M1AP: variants seen among roughly 807,000 people sequenced by gnomAD.
The protein encoded by M1AP is meiosis 1 arrest protein.
M1AP carries 39 observed loss-of-function variants against 51.2 expected under a neutral mutation model. The observed-to-expected ratio is 0.76, with a 90% CI of 0.59 to 1.00. M1AP has a LOEUF of 1.00. Among genes scored for constraint, M1AP ranks in the 50% least tolerant of loss-of-function variants. M1AP has a pLI of 0.00. For synonymous variants in M1AP, 251 were observed against 249.2 expected (o/e 1.01, Z -0.07); for missense variants, 545 against 641.2 (o/e 0.85, Z 1.62).
chr2:74,591,546 T>C (rs1680036836), intron 4 of M1AP, among the ~76,000 whole-genome samples: 1 of 152,124 alleles, frequency 6.6e-6, no homozygotes, highest in African/African-American at 2.4e-5. Flanking sequence ...GAATGGGTTA[T>C]TTAGGAGAAG....
intron 2 of M1AP, among the ~76,000 whole-genome samples, chr2:74,636,501 T>C (rs897348256): frequency 6.6e-6 from 1 of 152,160 alleles, no homozygotes; most frequent in African/African-American, 2.4e-5. Flanking sequence ...TGTTTTCTGC[T>C]TGTTCCCTCT....
chr2:74,567,728 T>A (rs1488822075), intron 7 of M1AP, among the ~76,000 whole-genome samples: 2 of 152,232 alleles, frequency 1.3e-5, no homozygotes, highest in Admixed American at 1.3e-4. Flanking sequence ...TAGATATAGA[T>A]CTATAAAAGC....
At chr2:74,561,262 A>AAGGAGGAGGAGGAGAAGGAGGAGGAGG (rs1677988954) in intron 8 of M1AP, among the ~76,000 whole-genome samples, 1 of 51,360 alleles carries the variant, frequency 1.9e-5, no homozygotes, top group African/African-American at 8.3e-5. Flanking sequence ...GGAGGAGGAG[A>AAGGAGGAGGAGGAGAAGGAGGAGGAGG]AGAAGAAAAA....
chr2:74,561,785 G>A (rs1406129916), intron 8 of M1AP: 1 of 571,034 alleles, frequency 1.8e-6, no homozygotes, highest in East Asian at 1.4e-4. Flanking sequence ...AGCTGGACCT[G>A]CTGGTGTTGT....
Position 74,646,804 on chromosome 2 carries a change from T to C in M1AP, c.-53+1461A>G, listed in dbSNP as rs188956006. Among the ~76,000 whole-genome samples the C allele has an allele frequency of 1.3e-3, 195 of 152,368 alleles. 2 individuals carry two copies. The highest frequency in any genetic ancestry group is 1.9e-3 in the Non-Finnish European group (126 of 68,038). On this transcript the variant is annotated intron_variant, in intron 1 of 10. Transcript: ENST00000421985. ...GTGTTTTGACAATTTTTCAAGGTTATAGAACAACTGTAATTTTTCCCATTG... is the reference window on the plus strand; with the variant it reads ...GTGTTTTGACAATTTTTCAAGGTTACAGAACAACTGTAATTTTTCCCATTG...
intron 4 of M1AP, among the ~76,000 whole-genome samples, chr2:74,594,889 A>T (rs1680244313): frequency 1.3e-5 from 2 of 152,156 alleles, no homozygotes. Context: ...AAAATAAAAA[A>T]GATAATCAAT....
intron 7 of M1AP, among the ~76,000 whole-genome samples, chr2:74,569,424 A>C (rs1475086034): frequency 3.9e-5 from 5 of 128,788 alleles, no homozygotes; most frequent in Admixed American, 9.4e-5. Context: ...TCTATCACCC[A>C]GGCTGGAGTG....
rs377538420 is a variant in M1AP at position 74,640,195 on chromosome 2, C to T, written c.81G>A (p.Val27=). 8.1e-6 allele frequency: 13 copies of T among 1,614,012 alleles called. No individual in the cohort carries two copies. Among genetic ancestry groups the T allele is most frequent in the Non-Finnish European group, 1.1e-5 (13 of 1,180,024 alleles). Residue 27 remains valine (V), a synonymous_variant, in exon 2 of 11, where the codon GTG becomes GTA. Transcript: ENST00000421985. The stretch of plus-strand genomic sequence containing the variant: ...CAGCCCAGGACGGTAGAGCAATGTG[C>T]ACAATGAGAAGCCGTGGAGGTTGCT... The part of the protein sequence containing the change: ...IDQQPPRLLI[V]HIALPSWADI...
chr2:74,636,392 T>TA (rs1682993286), intron 2 of M1AP, among the ~76,000 whole-genome samples: 1 of 152,122 alleles, frequency 6.6e-6, no homozygotes, highest in Admixed American at 6.5e-5. Context: ...TTGGGTCATT[T>TA]AAAAAATCAA....
intron 7 of M1AP, among the ~76,000 whole-genome samples, chr2:74,568,790 G>A (rs138902594): frequency 1.3e-5 from 2 of 152,294 alleles, no homozygotes; most frequent in East Asian, 3.9e-4. Context: ...GGCTTTCAGT[G>A]GAAAACTCTG....
rs1677683102 is a variant in M1AP at position 74,558,782 on chromosome 2, G to A, written c.1527C>T (p.Ala509=). ...AGAAGGCATCTGAGGAAGATTTGCTGGCTGCTGGCATCTTGGAGGCTCTGC... is the reference window on the plus strand; with the variant it reads ...AGAAGGCATCTGAGGAAGATTTGCTAGCTGCTGGCATCTTGGAGGCTCTGC... ...VPGRASKMPA[A]SKSSSDAFFL... Residue 509 remains alanine (A), a synonymous_variant, in exon 11 of 11, where the codon GCC becomes GCT. Coordinates refer to ENST00000421985, the MANE Select transcript of M1AP (RefSeq NM_001321739.2). The A allele has an allele frequency of 4.3e-6, 7 of 1,612,190 alleles. No homozygotes were observed. The highest frequency in any genetic ancestry group is 4.0e-5 in the African/African-American group (3 of 74,998).
intron 1 of M1AP, chr2:74,647,355 T>C (rs2104873265): frequency 8.1e-6 from 8 of 985,370 alleles, no homozygotes; most frequent in Non-Finnish European, 9.6e-6. Flanking sequence ...AGGGCCCCTT[T>C]ACAAGCCCTC....
At chr2:74,631,914 T>C (rs769413614) in intron 2 of M1AP, among the ~76,000 whole-genome samples, 76 of 152,234 alleles carry the variant, frequency 5.0e-4, no homozygotes, top group Non-Finnish European at 9.4e-4. Flanking sequence ...TCTTTCTCCA[T>C]TTATATTTTA....
At chr2:74,647,745 T>C (rs1444430648) in intron 1 of M1AP, among the ~76,000 whole-genome samples, 1 of 151,902 alleles carries the variant, frequency 6.6e-6, no homozygotes, top group African/African-American at 2.4e-5. Flanking sequence ...TATAAAAAAA[T>C]TAGCCAGGCG....
chr2:74,639,507 C>T (rs1331385239), intron 2 of M1AP, among the ~76,000 whole-genome samples: 1 of 152,144 alleles, frequency 6.6e-6, no homozygotes, highest in Non-Finnish European at 1.5e-5. Flanking sequence ...TGCCCCTGGC[C>T]CAGCCATTGC....
At chr2:74,584,448 CAAAA>C (rs772920948) in intron 4 of M1AP, among the ~76,000 whole-genome samples, 3 of 73,564 alleles carry the variant, frequency 4.1e-5, no homozygotes, top group Non-Finnish European at 5.6e-5. Context: ...GTCTCAGTTG[CAAAA>C]AAAAAAAAAA....
intron 8 of M1AP, chr2:74,561,854 C>T: frequency 6.1e-6 from 6 of 980,866 alleles, no homozygotes; most frequent in African/African-American, 1.7e-5. Flanking sequence ...CTCTGTGATG[C>T]TCCCTTTTCT....
intron 2 of M1AP, among the ~76,000 whole-genome samples, chr2:74,618,687 C>T (rs147848705): frequency 1.3e-5 from 2 of 152,342 alleles, no homozygotes; most frequent in African/African-American, 4.8e-5. Flanking sequence ...GTGCACTTGA[C>T]AGATTAGTGT....
In M1AP at chr2:74,582,238, C is replaced by G. The variant is rs564062493; in HGVS notation, c.596-391G>C. Among the ~76,000 whole-genome samples, 10 of 152,330 alleles carry G rather than the reference C, an allele frequency of 6.6e-5. No homozygotes were observed. In the South Asian group the frequency reaches 2.1e-3, roughly 32 times the overall value. On this transcript the variant is annotated intron_variant, in intron 4 of 10. Coordinates refer to ENST00000421985, the MANE Select transcript of M1AP (RefSeq NM_001321739.2). ...TGGGATTATAGGCACTTGTCACTGG[C>G]CCAGCTTCCACACCTATTTTTTGAT...
Sources: allele counts gnomAD v4.1 joint callset (sites outside exome capture counted in the v4.1 genomes callset), GRCh38; gene constraint gnomAD v4.1.1; transcripts MANE v1.5; gene names NCBI Gene and HGNC (gene_info 2026-07-23, HGNC 2026-07-21).